Variants in CSMD1 observed in about 807,000 individuals in gnomAD.
CSMD1 encodes the protein CUB and sushi domain-containing protein 1.
Under a neutral mutation model 417.5 loss-of-function variants are expected in CSMD1, and 213 were observed. The ratio of observed to expected loss-of-function variants is 0.51; its 90% confidence interval spans 0.46 to 0.57. The LOEUF is 0.57. CSMD1 is among the 20% of genes least tolerant of loss of function. The pLI is 0.00. For synonymous variants in CSMD1, 2,862 were observed against 1,736.8 expected (o/e 1.65, Z -16.11); for missense variants, 6,923 against 4,529.7 (o/e 1.53, Z -15.17).
At chr8:3,235,796 C>T (rs1441510478) in intron 26 of CSMD1, among the ~76,000 whole-genome samples, 1 of 151,420 alleles carries the variant, frequency 6.6e-6, no homozygotes, top group Non-Finnish European at 1.5e-5. Context: ...ATACGTATAA[C>T]AATAATAATG....
chr8:3,244,708 G>C lies in CSMD1; in HGVS notation c.4154-14477C>G, dbSNP rs187373056. ...CCCTTTATCACCCTGGACGGTGAAT[G>C]GAAAAGTGAATGCTATTTGGGAAAC... On this transcript the variant is annotated intron_variant, in intron 26 of 69. Transcript: ENST00000635120. Among the ~76,000 whole-genome samples, 476 of 152,284 alleles carry C rather than the reference G, an allele frequency of 3.1e-3. 1 individual carries two copies. The highest frequency in any genetic ancestry group is 4.9e-3 in the Non-Finnish European group (332 of 68,028).
At position 3,369,129 on chromosome 8, in the gene CSMD1, T is replaced by C. The variant is rs1284336506; in HGVS notation, c.2899+125A>G. The C allele has an allele frequency of 1.4e-5, 8 of 552,696 alleles. No homozygotes were observed. The East Asian group carries it at 2.3e-4, about 16-fold the overall frequency. The allele number at this position is 552,696 out of a possible 1,614,324, so 34.2% of individuals were successfully genotyped here. ...AATCTTATTAAATAATAAGTTAAAATCTTGAACTATACATGAGAAAAGTAG... is the reference window on the plus strand; with the variant it reads ...AATCTTATTAAATAATAAGTTAAAACCTTGAACTATACATGAGAAAAGTAG... On this transcript the variant is annotated intron_variant, in intron 19 of 69. Transcript: ENST00000635120.
At chr8:3,666,581 G>C (rs1320619794) in intron 7 of CSMD1, among the ~76,000 whole-genome samples, 1 of 152,072 alleles carries the variant, frequency 6.6e-6, no homozygotes, top group South Asian at 2.1e-4. Context: ...ATCTCATCTT[G>C]AATTGTAGCT....
intron 3 of CSMD1, among the ~76,000 whole-genome samples, chr8:4,388,849 C>A (rs779284647): frequency 2.0e-5 from 3 of 152,212 alleles, no homozygotes; most frequent in Admixed American, 2.0e-4. Context: ...GATTTAAAAA[C>A]CATTTAAAAC....
rs371328348 is a variant in CSMD1, at chr8:2,993,509, C to T, written c.8377+4502G>A. 1.4e-3 allele frequency among the ~76,000 whole-genome samples: 217 copies of T among 152,270 alleles called. 2 individuals are homozygous for T. Among genetic ancestry groups the T allele is most frequent in the African/African-American group, 5.0e-3 (207 of 41,556 alleles). On this transcript the variant is annotated intron_variant, in intron 54 of 69. Transcript: ENST00000635120. ...CCAACTCTCAGCGTCTCCCAGATGC[C>T]AACTGGATCTACTTTAAAAATATTT...
At chr8:3,197,423 G>A (rs991098885) in intron 33 of CSMD1, among the ~76,000 whole-genome samples, 10 of 149,214 alleles carry the variant, frequency 6.7e-5, no homozygotes, top group African/African-American at 9.9e-5. Flanking sequence ...GTGTATGAAA[G>A]CACTGTTTAG....
intron 23 of CSMD1, among the ~76,000 whole-genome samples, chr8:3,329,111 G>A (rs1033817264): frequency 6.6e-6 from 1 of 152,080 alleles, no homozygotes; most frequent in Non-Finnish European, 1.5e-5. Flanking sequence ...GCCAGATGTT[G>A]GCATAGAATG....
At chr8:4,603,767 C>T (rs1800718880) in intron 2 of CSMD1, among the ~76,000 whole-genome samples, 3 of 151,824 alleles carry the variant, frequency 2.0e-5, no homozygotes, top group Admixed American at 2.0e-4. Context: ...TTTTGGTGTA[C>T]CGGAGAAGTT....
chr8:3,932,140 G>A lies in CSMD1; in HGVS notation c.818+65763C>T, dbSNP rs980779172. 2.0e-5 allele frequency among the ~76,000 whole-genome samples: 3 copies of A among 150,160 alleles called. 1 individual carries two copies. Among genetic ancestry groups the A allele is most frequent in the Non-Finnish European group, 3.0e-5 (2 of 67,462 alleles). On this transcript the variant is annotated intron_variant, in intron 5 of 69. Transcript: ENST00000635120. Reference sequence around the variant, plus strand: ...TAGATGATTTTATGGCTTATATATTGAGGACAGTGCTGGAATGAAACTCAG... The same window carrying A: ...TAGATGATTTTATGGCTTATATATTAAGGACAGTGCTGGAATGAAACTCAG...
chr8:3,597,782 A>G (rs1032657272), intron 8 of CSMD1, among the ~76,000 whole-genome samples: 5 of 152,148 alleles, frequency 3.3e-5, no homozygotes, highest in African/African-American at 4.8e-5. Context: ...TGGGAGTTGA[A>G]CAATGAGAAT....
At chr8:3,457,593 A>G (rs1816236771) in intron 12 of CSMD1, among the ~76,000 whole-genome samples, 2 of 152,252 alleles carry the variant, frequency 1.3e-5, no homozygotes, top group African/African-American at 4.8e-5. Flanking sequence ...GATGAATTTC[A>G]AGAATAGAAT....
chr8:4,055,565 G>A (rs1298264676), intron 3 of CSMD1, among the ~76,000 whole-genome samples: 2 of 140,802 alleles, frequency 1.4e-5, no homozygotes, highest in Admixed American at 6.8e-5. Flanking sequence ...ATATAAAGAA[G>A]AAGAGTCAAA....
intron 11 of CSMD1, among the ~76,000 whole-genome samples, chr8:3,492,054 AAGG>A (rs1450014889): frequency 1.3e-5 from 2 of 152,202 alleles, no homozygotes; most frequent in Non-Finnish European, 2.9e-5. Context: ...TTAATCAGTG[AAGG>A]AGAACTTGTG....
chr8:4,140,958 T>A (rs1302314293), intron 3 of CSMD1, among the ~76,000 whole-genome samples: 4 of 151,140 alleles, frequency 2.6e-5, no homozygotes. Context: ...AGTCCTCGTA[T>A]CTCAATAAAT....
intron 25 of CSMD1, among the ~76,000 whole-genome samples, chr8:3,293,216 C>T (rs1045836806): frequency 9.2e-5 from 14 of 152,166 alleles, no homozygotes; most frequent in Non-Finnish European, 1.9e-4. Flanking sequence ...GATGGGCTTC[C>T]TTTTGTGGGT....
At position 3,739,783 on chromosome 8, in the gene CSMD1, G is replaced by A. The variant is rs1384097193; in HGVS notation, c.931+14147C>T. On this transcript the variant is annotated intron_variant, in intron 6 of 69. Transcript: ENST00000635120. ...GATGCTACAGTCAGCTGAGATCAAT[G>A]GAAAAAGGTAAAAAAAAATTCAATT... Among the ~76,000 whole-genome samples, 8 of 28,934 alleles carry A rather than the reference G, an allele frequency of 2.8e-4. No homozygotes were observed. The Admixed American group carries it at 4.0e-3, about 15-fold the overall frequency. The allele number at this position is 28,934 out of a possible 152,430, so 19.0% of individuals were successfully genotyped here.
intron 6 of CSMD1, among the ~76,000 whole-genome samples, chr8:3,722,279 G>C (rs902715711): frequency 3.9e-5 from 6 of 152,138 alleles, no homozygotes; most frequent in Admixed American, 1.3e-4. Context: ...CTGCACTCCA[G>C]CCTGGGCGAC....
intron 6 of CSMD1, among the ~76,000 whole-genome samples, chr8:3,749,769 C>T (rs756318218): frequency 4.0e-5 from 6 of 151,718 alleles, no homozygotes; most frequent in Non-Finnish European, 7.4e-5. Context: ...GTGAGAGTCA[C>T]CCATGTCGTT....
At chr8:3,348,860 G>T (rs1360574114) in intron 21 of CSMD1, among the ~76,000 whole-genome samples, 1 of 152,138 alleles carries the variant, frequency 6.6e-6, no homozygotes, top group Non-Finnish European at 1.5e-5. Context: ...TGTCAACCTG[G>T]AGAAAGTCAC....
Sources: gnomAD v4.1 joint callset for allele counts (sites outside exome capture counted in the v4.1 genomes callset) on GRCh38, gnomAD v4.1.1 for gene constraint, MANE v1.5 for transcripts, NCBI Gene and HGNC (gene_info 2026-07-23, HGNC 2026-07-21) for gene names.